AGBL4: variants seen among roughly 807,000 people sequenced by gnomAD.
AGBL4 encodes cytosolic carboxypeptidase 6.
AGBL4 carries 58 observed loss-of-function variants against 66.4 expected under a neutral mutation model. That is an observed-to-expected ratio of 0.87 (90% CI 0.71 to 1.09). AGBL4 has a LOEUF of 1.09. AGBL4 is among the 50% of genes least tolerant of loss of function. The probability of loss-of-function intolerance (pLI) is 0.00; values close to 1 mark genes in which losing one functional copy is unlikely to be tolerated. For missense variants in AGBL4, 579 were observed against 631.0 expected (o/e 0.92, Z 0.88); for synonymous variants, 234 against 222.9 (o/e 1.05, Z -0.44).
intron 1 of AGBL4, among the ~76,000 whole-genome samples, chr1:50,021,322 G>T (rs1422956903): frequency 6.6e-6 from 1 of 151,986 alleles, no homozygotes; most frequent in Admixed American, 6.6e-5. Flanking sequence ...CACACCCATG[G>T]CTTGAGTAAT....
chr1:49,994,917 G>T (rs533865546), intron 1 of AGBL4: 35 of 353,154 alleles, frequency 9.9e-5, no homozygotes, highest in Non-Finnish European at 1.9e-4. Flanking sequence ...ACCTTTCCTG[G>T]AGCTGAGACA....
chr1:49,371,399 G>T (rs1237830168), intron 3 of AGBL4, among the ~76,000 whole-genome samples: 1 of 152,044 alleles, frequency 6.6e-6, no homozygotes, highest in Non-Finnish European at 1.5e-5. Context: ...TAGTATGCTT[G>T]TTGTTTTACA....
At chr1:49,314,976 G>T (rs1005847646) in intron 3 of AGBL4, among the ~76,000 whole-genome samples, 6 of 151,892 alleles carry the variant, frequency 4.0e-5, no homozygotes, top group Admixed American at 1.3e-4. Context: ...TTTTTCTAAT[G>T]ACCAGTAATC....
In AGBL4 at chr1:49,837,261, G is replaced by C. The variant is rs536897365; in HGVS notation, c.157+14135C>G. Reference sequence around the variant, plus strand: ...CTTTCAGAGATGCCCTGCCCAGAGAGGAGGATTCTAGAGATGCAGTCTGGC... The same window carrying C: ...CTTTCAGAGATGCCCTGCCCAGAGACGAGGATTCTAGAGATGCAGTCTGGC... On this transcript the variant is annotated intron_variant, in intron 2 of 13. Transcript: ENST00000371839. 1.4e-3 allele frequency among the ~76,000 whole-genome samples: 208 copies of C among 152,310 alleles called. 1 individual carries two copies. Among genetic ancestry groups the C allele is most frequent in the African/African-American group, 4.8e-3 (198 of 41,578 alleles).
chr1:49,426,080 G>T (rs964765486), intron 3 of AGBL4, among the ~76,000 whole-genome samples: 3 of 152,110 alleles, frequency 2.0e-5, no homozygotes, highest in African/African-American at 7.2e-5. Context: ...AGTCAAAAAA[G>T]ATTTACTTAG....
intron 11 of AGBL4, among the ~76,000 whole-genome samples, chr1:48,568,706 G>C (rs1203470727): frequency 3.9e-5 from 6 of 152,146 alleles, no homozygotes; most frequent in Non-Finnish European, 8.8e-5. Flanking sequence ...CATGTCTCTG[G>C]GCATTGGCCT....
At chr1:49,158,274 G>A (rs1162760750) in intron 4 of AGBL4, among the ~76,000 whole-genome samples, 2 of 152,110 alleles carry the variant, frequency 1.3e-5, no homozygotes, top group African/African-American at 4.8e-5. Flanking sequence ...CATGGGCAAA[G>A]ACTTCATGAC....
intron 6 of AGBL4, among the ~76,000 whole-genome samples, chr1:48,785,763 C>T (rs1645393695): frequency 6.6e-6 from 1 of 152,174 alleles, no homozygotes; most frequent in Non-Finnish European, 1.5e-5. Context: ...TTCCACAAGG[C>T]TAGAGTTCTT....
chr1:49,579,663 C>A (rs942585713), intron 3 of AGBL4, among the ~76,000 whole-genome samples: 3 of 152,084 alleles, frequency 2.0e-5, no homozygotes, highest in Non-Finnish European at 4.4e-5. Flanking sequence ...CCGTGCCCAG[C>A]TAATTTTTTG....
At position 49,992,013 on chromosome 1, in the gene AGBL4, G is replaced by A. The variant is rs546029539; in HGVS notation, c.34+31750C>T. On this transcript the variant is annotated intron_variant, in intron 1 of 13. Coordinates refer to ENST00000371839, the MANE Select transcript of AGBL4 (RefSeq NM_032785.4). The stretch of plus-strand genomic sequence containing the variant: ...ATATAAAGTACCTAGGAAATAGTGA[G>A]CTTTTATACATGTTGATAAAGCCAC... Among the ~76,000 whole-genome samples the A allele has an allele frequency of 3.5e-4, 54 of 152,254 alleles. 1 individual carries two copies. The highest frequency in any genetic ancestry group is 2.1e-4 in the South Asian group (1 of 4,826).
chr1:49,122,551 A>G (rs1437376283), intron 4 of AGBL4, among the ~76,000 whole-genome samples: 1 of 152,158 alleles, frequency 6.6e-6, no homozygotes, highest in Non-Finnish European at 1.5e-5. Flanking sequence ...GACTCTTAAA[A>G]TAATACTAAT....
chr1:48,639,025 T>C (rs1198808688), intron 8 of AGBL4, among the ~76,000 whole-genome samples: 1 of 152,198 alleles, frequency 6.6e-6, no homozygotes, highest in African/African-American at 2.4e-5. Context: ...GTCTCCCCAG[T>C]TGGCTATGCT....
chr1:49,694,118 A>G (rs1455917959), intron 3 of AGBL4, among the ~76,000 whole-genome samples: 27 of 152,162 alleles, frequency 1.8e-4, no homozygotes, highest in Admixed American at 1.8e-3. Flanking sequence ...TATTTAATGG[A>G]GTCAGCCTGC....
intron 3 of AGBL4, among the ~76,000 whole-genome samples, chr1:49,640,545 C>CT (rs1282651722): frequency 6.6e-6 from 1 of 152,100 alleles, no homozygotes; most frequent in African/African-American, 2.4e-5. Flanking sequence ...ACTATAACAT[C>CT]TTTTTTATGT....
At chr1:49,346,115 A>G (rs1240723609) in intron 3 of AGBL4, among the ~76,000 whole-genome samples, 1 of 152,172 alleles carries the variant, frequency 6.6e-6, no homozygotes. Context: ...TAAGACCAAA[A>G]CTTATTTTGC....
At chr1:49,748,045 C>T (rs184473207) in intron 2 of AGBL4, among the ~76,000 whole-genome samples, 6 of 151,458 alleles carry the variant, frequency 4.0e-5, no homozygotes, top group East Asian at 3.9e-4. Context: ...GATACATGTG[C>T]GGAATGTGCA....
At chr1:49,241,749 G>C (rs1445592580) in intron 4 of AGBL4, among the ~76,000 whole-genome samples, 1 of 151,946 alleles carries the variant, frequency 6.6e-6, no homozygotes, top group Non-Finnish European at 1.5e-5. Context: ...TACTCAATCA[G>C]TCTTGGGTGA....
chr1:49,406,425 G>C (rs1048500135), intron 3 of AGBL4, among the ~76,000 whole-genome samples: 1 of 152,136 alleles, frequency 6.6e-6, no homozygotes, highest in African/African-American at 2.4e-5. Context: ...CATGCAGATG[G>C]AGACTTTTAT....
At chr1:49,862,318 T>C (rs1338438371) in intron 1 of AGBL4, among the ~76,000 whole-genome samples, 3 of 149,830 alleles carry the variant, frequency 2.0e-5, no homozygotes, top group Non-Finnish European at 4.4e-5. Flanking sequence ...ATTAGTGAGT[T>C]TGAAGACAGG....
Sources: gnomAD v4.1 joint callset for allele counts (sites outside exome capture counted in the v4.1 genomes callset) on GRCh38, gnomAD v4.1.1 for gene constraint, MANE v1.5 for transcripts, NCBI Gene and HGNC (gene_info 2026-07-23, HGNC 2026-07-21) for gene names.